The following TNS3 variants were observed in gnomAD, a reference collection of about 807,000 sequenced individuals.
The protein encoded by TNS3 is tensin-3.
Under a neutral mutation model 140.9 loss-of-function variants are expected in TNS3, and 45 were observed. The ratio of observed to expected loss-of-function variants is 0.32; its 90% CI spans 0.25 to 0.41. TNS3 has a LOEUF of 0.41. TNS3 is among the 10% of genes least tolerant of loss of function. The probability of loss-of-function intolerance (pLI) is 1.00; values close to 1 mark genes in which losing one functional copy is unlikely to be tolerated. For synonymous variants in TNS3, 815 were observed against 788.4 expected (o/e 1.03, Z -0.56); for missense variants, 1,716 against 1,906.7 (o/e 0.90, Z 1.86).
At chr7:47,556,172 C>T (rs1309397017) in intron 1 of TNS3, among the ~76,000 whole-genome samples, 2 of 152,236 alleles carry the variant, frequency 1.3e-5, no homozygotes, top group Non-Finnish European at 2.9e-5. Flanking sequence ...TCTCCTTGAA[C>T]CCACATGCCC....
Position 47,368,733 on chromosome 7 carries a change from C to A in TNS3, c.1913G>T (p.Ser638Ile). ...ACCCCTCTGGACAGCCACCCTACTG[C>A]TGGTCCCTCGGGTGGGGGTGAGTGG... is the stretch of plus-strand genomic sequence containing the variant. Reference protein sequence around the residue: ...RVPLTPTRGTSSRVAVQRGVG... With the variant: ...RVPLTPTRGTISRVAVQRGVG... The change falls in exon 17 of 31, where the codon AGC becomes ATC. Residue 638 changes from serine to isoleucine, a missense_variant. Physicochemically the swap from Ser to Ile is moderately radical, Grantham distance 142. Around this residue, in one of 3 missense-constraint regions of TNS3, gnomAD observed 1,163 missense variants for 1,182.1 expected, o/e 0.98. Transcript: ENST00000311160. The A allele has an allele frequency of 6.3e-7, 1 of 1,579,024 alleles. No homozygotes were observed. Among genetic ancestry groups the A allele is most frequent in the Non-Finnish European group, 8.6e-7 (1 of 1,162,020 alleles).
intron 4 of TNS3, among the ~76,000 whole-genome samples, chr7:47,452,646 A>C (rs1354098990): frequency 1.3e-5 from 2 of 152,222 alleles, no homozygotes; most frequent in African/African-American, 4.8e-5. Flanking sequence ...AGCAACACTC[A>C]GGGAGGACAC....
chr7:47,483,821 C>T (rs961348542), intron 3 of TNS3, among the ~76,000 whole-genome samples: 3 of 152,218 alleles, frequency 2.0e-5, no homozygotes, highest in Non-Finnish European at 4.4e-5. Context: ...AACCGGCTCG[C>T]GCGATAAGTT....
intron 10 of TNS3, among the ~76,000 whole-genome samples, chr7:47,416,516 CAG>C (rs140655203): frequency 0.039 from 5,998 of 152,284 alleles, 171 homozygotes; most frequent in Non-Finnish European, 0.06. Flanking sequence ...TAGTGAGAAA[CAG>C]GGCATGTCAG....
chr7:47,474,762 A>G (rs111066309), intron 4 of TNS3, among the ~76,000 whole-genome samples: 34,908 of 141,760 alleles, frequency 0.25, 4,968 homozygotes, highest in Non-Finnish European at 0.34. Context: ...ACAACACACA[A>G]AGCACAACAC....
chr7:47,522,079 C>T (rs994275355), intron 2 of TNS3, among the ~76,000 whole-genome samples: 7 of 152,144 alleles, frequency 4.6e-5, no homozygotes, highest in Non-Finnish European at 1.0e-4. Context: ...TGGCCAGGGG[C>T]TCTCCCATTC....
chr7:47,475,188 G>A (rs1294688249), intron 4 of TNS3, among the ~76,000 whole-genome samples: 1 of 152,222 alleles, frequency 6.6e-6, no homozygotes, highest in Non-Finnish European at 1.5e-5. Flanking sequence ...GCTGTGCAAA[G>A]GTGGAGTGTG....
At position 47,349,309 on chromosome 7, in the gene TNS3, G is replaced by A. The variant is rs186335106; in HGVS notation, c.2282-2953C>T. 4.6e-5 allele frequency among the ~76,000 whole-genome samples: 7 copies of A among 152,348 alleles called. No homozygotes were observed. The East Asian group carries it at 1.3e-3, about 29-fold the overall frequency. On this transcript the variant is annotated intron_variant, in intron 17 of 30. Coordinates refer to ENST00000311160, the MANE Select transcript of TNS3 (RefSeq NM_022748.12). Reference sequence around the variant, plus strand: ...ATGTTCTTACTGTCCCACCTCCGGTGCTTGTGCTCAAATCTGTGTGGCACC... The same window carrying A: ...ATGTTCTTACTGTCCCACCTCCGGTACTTGTGCTCAAATCTGTGTGGCACC...
In TNS3 at chr7:47,369,029, C is replaced by G; in HGVS notation, c.1617G>C (p.Pro539=). The G allele has an allele frequency of 6.2e-7, 1 of 1,613,978 alleles. No individual in the cohort carries two copies. The highest frequency in any genetic ancestry group is 1.3e-5 in the African/African-American group (1 of 75,052). Residue 539 remains proline (P), a synonymous_variant, in exon 17 of 31, where the codon CCG becomes CCC. Transcript: ENST00000311160. The part of the protein sequence containing the change: ...VGEDPQGTLV[P]DLGLGMDGPY... ...GGCCGTCCATGCCAAGGCCCAGGTCCGGAACGAGGGTGCCCTGCGGATCTT... is the reference window on the plus strand; with the variant it reads ...GGCCGTCCATGCCAAGGCCCAGGTCGGGAACGAGGGTGCCCTGCGGATCTT...
chr7:47,425,482 T>C (rs1041560808), intron 9 of TNS3, among the ~76,000 whole-genome samples: 2 of 151,994 alleles, frequency 1.3e-5, no homozygotes, highest in African/African-American at 4.8e-5. Flanking sequence ...CAAAAGTAAG[T>C]TGAGTGTGAT....
chr7:47,352,580 C>A (rs1033968693), intron 17 of TNS3, among the ~76,000 whole-genome samples: 1 of 152,220 alleles, frequency 6.6e-6, no homozygotes, highest in African/African-American at 2.4e-5. Flanking sequence ...AGCTGCCTGT[C>A]AGGAAGCCAG....
intron 3 of TNS3, among the ~76,000 whole-genome samples, chr7:47,490,523 G>T (rs1340845996): frequency 6.6e-6 from 1 of 152,236 alleles, no homozygotes; most frequent in African/African-American, 2.4e-5. Flanking sequence ...GGTTTGCCCT[G>T]TGGCCTGCTG....
intron 12 of TNS3, 65 bp from the exon 13 acceptor site, chr7:47,411,867 A>G: frequency 6.7e-7 from 1 of 1,496,342 alleles, no homozygotes; most frequent in Admixed American, 1.9e-5. Flanking sequence ...GAATACATGT[A>G]GAGAAAAGCA....
intron 1 of TNS3, among the ~76,000 whole-genome samples, chr7:47,559,391 G>T (rs1463229184): frequency 3.9e-5 from 6 of 152,148 alleles, no homozygotes; most frequent in African/African-American, 1.2e-4. Context: ...CAAGACACAT[G>T]TTCAGATTTT....
At chr7:47,432,473 C>T (rs113046068) in intron 8 of TNS3, among the ~76,000 whole-genome samples, 12 of 152,288 alleles carry the variant, frequency 7.9e-5, no homozygotes, top group African/African-American at 2.9e-4. Flanking sequence ...GAAATAAATT[C>T]CTTTTCTTTA....
chr7:47,275,957 C>T lies in TNS3; in HGVS notation c.*2119G>A. 1 of 433,382 alleles carries T rather than the reference C, an allele frequency of 2.3e-6. No individual in the cohort carries two copies. Among genetic ancestry groups the T allele is most frequent in the Non-Finnish European group, 4.7e-6 (1 of 214,668 alleles). The allele number at this position is 433,382 out of a possible 1,614,324, so 26.8% of individuals were successfully genotyped here. ...GCTCTGACTTCTAAATGAGCTCTCT[C>T]ATCCTTCATCAGAAGGATAAGGAAC... On this transcript the variant is annotated 3_prime_UTR_variant, in exon 31 of 31. Transcript: ENST00000311160.
chr7:47,418,912 G>A (rs1022033616), intron 10 of TNS3, among the ~76,000 whole-genome samples: 4 of 152,232 alleles, frequency 2.6e-5, no homozygotes, highest in African/African-American at 9.6e-5. Context: ...AGGAACCATC[G>A]TCACAGGACA....
At chr7:47,338,632 C>T (rs1788767615) in intron 20 of TNS3, among the ~76,000 whole-genome samples, 1 of 152,064 alleles carries the variant, frequency 6.6e-6, no homozygotes, top group Non-Finnish European at 1.5e-5. Context: ...AGGACAATGG[C>T]CTACAGCTGC....
chr7:47,549,439 G>A (rs597951), intron 1 of TNS3, among the ~76,000 whole-genome samples: 67,697 of 151,700 alleles, frequency 0.45, 15,365 homozygotes, highest in Non-Finnish European at 0.48. Flanking sequence ...AGGTTGCAGT[G>A]AGCTGAGATC....
Sources: gnomAD v4.1 joint callset for allele counts (sites outside exome capture counted in the v4.1 genomes callset) on GRCh38, gnomAD v4.1.1 for gene constraint, gnomAD v4.1.1 regional missense constraint, MANE v1.5 for transcripts, NCBI Gene and HGNC (gene_info 2026-07-23, HGNC 2026-07-21) for gene names.